The following RORC variants were observed in gnomAD, a reference collection of about 807,000 sequenced individuals.
The protein encoded by RORC is RAR related orphan receptor C.
A neutral mutation model predicts 64.5 loss-of-function variants in RORC; 13 were observed. That is an observed-to-expected ratio of 0.20 (90% CI 0.13 to 0.32). The LOEUF is 0.32. Among genes scored for constraint, RORC ranks in the 10% least tolerant of loss-of-function variants. The pLI is 1.00. For synonymous variants in RORC, 277 were observed against 259.3 expected (o/e 1.07, Z -0.65); for missense variants, 468 against 669.5 (o/e 0.70, Z 3.32).
intron 1 of RORC, 95 bp from the exon 2 acceptor site, chr1:151,829,553 T>C: frequency 1.7e-6 from 2 of 1,164,874 alleles, no homozygotes; most frequent in African/African-American, 1.6e-5. Context: ...GCCGCACTCC[T>C]TCCCTCAGAG....
intron 2 of RORC, chr1:151,825,786 C>T: frequency 1.1e-6 from 1 of 877,594 alleles, no homozygotes. Flanking sequence ...CTGCTCCACC[C>T]ATCTCCCAAC....
At chr1:151,819,793 G>C (rs936967134) in intron 2 of RORC, among the ~76,000 whole-genome samples, 1 of 152,034 alleles carries the variant, frequency 6.6e-6, no homozygotes, top group South Asian at 2.1e-4. Flanking sequence ...AGGAAGATGC[G>C]GCCAGTCAAG....
chr1:151,815,819 C>A (rs966304161), intron 4 of RORC, among the ~76,000 whole-genome samples: 4 of 152,150 alleles, frequency 2.6e-5, no homozygotes, highest in Non-Finnish European at 5.9e-5. Flanking sequence ...AAGAGGAGAG[C>A]TGAGAACACA....
chr1:151,830,621 TACACACAC>T lies in RORC; in HGVS notation c.40+1096_40+1103del, dbSNP rs1553293049. On this transcript the variant is annotated intron_variant, in intron 1 of 10. Transcript: ENST00000318247. The surrounding 1 kb of genome is among the most constrained non-coding windows in gnomAD (Gnocchi z 4.0). ...TGCTGTTCAGTCTTGACACCTGACA[TACACACAC>T]ACACACACACACACACACACACACA... 5.2e-3 allele frequency among the ~76,000 whole-genome samples: 299 copies of T among 57,182 alleles called. 2 individuals are homozygous for T. Among genetic ancestry groups the T allele is most frequent in the East Asian group, 0.039 (57 of 1,476 alleles). 37.5% of individuals were successfully genotyped at this position (57,182 alleles called of 152,430 possible). A position where few individuals can be genotyped will look rare whatever the true frequency, so the allele number is the denominator to read the frequency against.
rs542988595 is a variant in RORC at position 151,827,524 on chromosome 1, C to T, written c.70+1905G>A. ...TCCCTCTTGGTCTGGGGAGTTCCCC[C>T]GGGTTCCCCATCTTGGACCCCCATC... On this transcript the variant is annotated intron_variant, in intron 2 of 10. Transcript: ENST00000318247. Among the ~76,000 whole-genome samples the T allele has an allele frequency of 5.9e-5, 9 of 152,236 alleles. 1 individual carries two copies. The highest frequency in any genetic ancestry group is 4.1e-4 in the South Asian group (2 of 4,822).
Position 151,815,415 on chromosome 1 carries a change from G to A in RORC, c.309C>T (p.Phe103=), listed in dbSNP as rs267598021. 6 of 1,528,798 alleles carry A rather than the reference G, an allele frequency of 3.9e-6. No homozygotes were observed. Among genetic ancestry groups the A allele is most frequent in the South Asian group, 1.3e-5 (1 of 76,950 alleles). The allele number at this position is 1,528,798 out of a possible 1,614,324, so 94.7% of individuals were successfully genotyped here. ...ALGMSRDAVK[F]GRMSKKQRDS... The stretch of plus-strand genomic sequence containing the variant: ...CCCTCTGCTTCTTGGACATGCGGCC[G>A]AACTTGACAGCTGAAAGAGGTCCAG... Residue 103 remains phenylalanine (F), a synonymous_variant, in exon 5 of 11, where the codon TTC becomes TTT. Coordinates refer to ENST00000318247, the MANE Select transcript of RORC (RefSeq NM_005060.4).
intron 2 of RORC, among the ~76,000 whole-genome samples, chr1:151,826,974 C>A (rs1325952339): frequency 6.6e-6 from 1 of 152,064 alleles, no homozygotes; most frequent in Non-Finnish European, 1.5e-5. Flanking sequence ...AAAAATTAGC[C>A]AGGCATGGTG....
chr1:151,820,973 A>G (rs905185793), intron 2 of RORC, among the ~76,000 whole-genome samples: 2 of 152,166 alleles, frequency 1.3e-5, no homozygotes, highest in Non-Finnish European at 2.9e-5. Context: ...TGTGACCTCT[A>G]AGACTTCATT....
At position 151,814,929 on chromosome 1, in the gene RORC, G is replaced by A; in HGVS notation, c.795C>T (p.Ala265=). ...SFRSTPEAPY[A]SLTEIEHLVQ... ...GCTGCTCACCTATCTCTGTCAGGGA[G>A]GCATAGGGTGCCTCCGGTGTGCTGC... Residue 265 remains alanine (A), a synonymous_variant, in exon 5 of 11, where the codon GCC becomes GCT. Coordinates refer to ENST00000318247, the MANE Select transcript of RORC (RefSeq NM_005060.4). 1 of 1,613,638 alleles carries A rather than the reference G, an allele frequency of 6.2e-7. No homozygotes were observed. Among genetic ancestry groups the A allele is most frequent in the Non-Finnish European group, 8.5e-7 (1 of 1,179,678 alleles).
rs1363112241 is a variant in RORC at position 151,830,456 on chromosome 1, T to C, written c.41-998A>G. Among the ~76,000 whole-genome samples the C allele has an allele frequency of 6.6e-6, 1 of 152,034 alleles. No homozygotes were observed. On this transcript the variant is annotated intron_variant, in intron 1 of 10. Coordinates refer to ENST00000318247, the MANE Select transcript of RORC (RefSeq NM_005060.4). The surrounding 1 kb of genome is among the most constrained non-coding windows in gnomAD (Gnocchi z 4.0). ...GGAAAGAGGATTCCCCTGCCAGACC[T>C]TGGCCCATTTCCTACATCCACATAG...
rs1652370029 is a variant in RORC, at chr1:151,830,632, ACAC to A, written c.40+1090_40+1092del. On this transcript the variant is annotated intron_variant, in intron 1 of 10. Transcript: ENST00000318247. This position sits in a 1 kb window ranked among gnomAD's most constrained non-coding sequence, Gnocchi z 4.0. ...CTTGACACCTGACATACACACACACACACACACACACACACACACACACACACA... is the reference window on the plus strand; with the variant it reads ...CTTGACACCTGACATACACACACACAACACACACACACACACACACACACA... Among the ~76,000 whole-genome samples, 1 of 136,060 alleles carries A rather than the reference ACAC, an allele frequency of 7.3e-6. No individual in the cohort carries two copies. The highest frequency in any genetic ancestry group is 2.6e-5 in the African/African-American group (1 of 38,566). The allele number at this position is 136,060 out of a possible 152,430, so 89.3% of individuals were successfully genotyped here.
chr1:151,816,913 T>G (rs1651776550), intron 3 of RORC, 108 bp from the exon 4 acceptor site: 2 of 1,220,666 alleles, frequency 1.6e-6, no homozygotes, highest in Non-Finnish European at 2.2e-6. Context: ...TCCCACGACC[T>G]GTCAGTTTTC....
intron 1 of RORC, chr1:151,831,281 A>G: frequency 2.1e-6 from 1 of 475,042 alleles, no homozygotes; most frequent in South Asian, 2.0e-5. Flanking sequence ...CTGGTGAATG[A>G]ACAGAAGGTG....
intron 2 of RORC, among the ~76,000 whole-genome samples, chr1:151,817,630 C>T (rs1050846325): frequency 5.3e-5 from 8 of 152,250 alleles, no homozygotes; most frequent in African/African-American, 1.9e-4. Flanking sequence ...CATAGGACTC[C>T]TCACGGCCTC....
In RORC at chr1:151,825,821, AC is replaced by A. The variant is rs533356480; in HGVS notation, c.70+3607del. 1.3e-4 allele frequency: 171 copies of A among 1,356,102 alleles called. 1 individual carries two copies. The African/African-American group carries it at 2.3e-3, about 18-fold the overall frequency. 84.0% of individuals were successfully genotyped at this position (1,356,102 alleles called of 1,614,324 possible). A position where few individuals can be genotyped will look rare whatever the true frequency, so the allele number is the denominator to read the frequency against. On this transcript the variant is annotated intron_variant, in intron 2 of 10. Coordinates refer to ENST00000318247, the MANE Select transcript of RORC (RefSeq NM_005060.4). Reference sequence around the variant, plus strand: ...CAGATCTTGACCTTGACCAGGACGCACCCTGCTTTGCTCAGATTTGCTCACA... The same window carrying A: ...CAGATCTTGACCTTGACCAGGACGCACCTGCTTTGCTCAGATTTGCTCACA...
chr1:151,817,131 T>TGTGTGTGC (rs112312658), intron 3 of RORC, 64 bp downstream of exon 3: 2 of 902,320 alleles, frequency 2.2e-6, no homozygotes, highest in Admixed American at 3.5e-5. Flanking sequence ...TGTGTGTGTG[T>TGTGTGTGC]GCGCGCGCGC....
At chr1:151,812,658 A>G (rs1651587273) in intron 9 of RORC, 3 of 323,360 alleles carry the variant, frequency 9.3e-6, no homozygotes, top group Non-Finnish European at 1.7e-5. Flanking sequence ...AATCACTGCC[A>G]TAGACTAACA....
At chr1:151,820,694 G>A (rs1028082405) in intron 2 of RORC, among the ~76,000 whole-genome samples, 5 of 152,112 alleles carry the variant, frequency 3.3e-5, no homozygotes, top group East Asian at 1.9e-4. Context: ...AAATGCACCC[G>A]CCAGCTCCTT....
intron 6 of RORC, 71 bp from the exon 7 acceptor site, chr1:151,813,691 C>A (rs963514970): frequency 6.4e-7 from 1 of 1,557,118 alleles, no homozygotes; most frequent in East Asian, 2.3e-5. Context: ...CCCTGGAGCC[C>A]CACCTAATAA....
Sources: gnomAD v4.1 joint callset for allele counts (sites outside exome capture counted in the v4.1 genomes callset) on GRCh38, gnomAD v4.1.1 for gene constraint, Gnocchi (gnomAD v3.1) non-coding constraint, MANE v1.5 for transcripts, NCBI Gene and HGNC (gene_info 2026-07-23, HGNC 2026-07-21) for gene names.